Variants in GDF2 observed in about 807,000 individuals in gnomAD.
The protein encoded by GDF2 is growth differentiation factor 2, also known as growth/differentiation factor 2.
In GDF2, 17 loss-of-function variants were observed where a neutral mutation model predicts 16.9. The observed-to-expected ratio is 1.00, with a 90% CI of 0.69 to 1.51. GDF2 has a LOEUF of 1.51. GDF2 is among the 40% of genes most tolerant of loss of function. GDF2 has a pLI of 0.00. For missense variants in GDF2, 523 were observed against 556.3 expected, an observed-to-expected ratio of 0.94 and a Z score of 0.60; for synonymous variants, 276 against 237.6, an observed-to-expected ratio of 1.16 and a Z score of -1.49.
chr10:47,326,198 C>A lies in GDF2; in HGVS notation c.*414C>A, dbSNP rs1020827232. On this transcript the variant is annotated 3_prime_UTR_variant, in exon 2 of 2. Transcript: ENST00000581492. ...TGGGGAGTAGAGGGAAGGAGCAGGC[C>A]GCGTGTCACACCCATCATTGTATGT... is the stretch of plus-strand genomic sequence containing the variant. The A allele has an allele frequency of 2.7e-4, 45 of 167,852 alleles. No homozygotes were observed. The highest frequency in any genetic ancestry group is 1.0e-3 in the African/African-American group (42 of 42,094). 10.4% of individuals were successfully genotyped at this position (167,852 alleles called of 1,614,324 possible).
In GDF2 at chr10:47,327,584, T is replaced by A. The variant is rs2061113149; in HGVS notation, c.*1800T>A. 6.6e-6 allele frequency among the ~76,000 whole-genome samples: 1 copy of A among 152,108 alleles called. No homozygotes were observed. Among genetic ancestry groups the A allele is most frequent in the South Asian group, 2.1e-4 (1 of 4,828 alleles). ...TTTCACTCGGAAATAAAGTCAAATGTCTAATTTGCAGCCCCTCCTGAATGT... is the reference window on the plus strand; with the variant it reads ...TTTCACTCGGAAATAAAGTCAAATGACTAATTTGCAGCCCCTCCTGAATGT... On this transcript the variant is annotated 3_prime_UTR_variant, in exon 2 of 2. Coordinates refer to ENST00000581492, the MANE Select transcript of GDF2 (RefSeq NM_016204.4).
In GDF2 at chr10:47,325,268, C is replaced by T. The variant is rs202125220; in HGVS notation, c.774C>T (p.Ser258=). ...SRNLPFFVVF[S]NDHSSGTKET... ...ACCTGCCCTTCTTTGTTGTCTTCTC[C>T]AATGACCACAGCAGTGGGACCAAGG... Residue 258 remains serine, a synonymous_variant, in exon 2 of 2, where the codon TCC becomes TCT. Transcript: ENST00000581492. 144 of 1,614,044 alleles carry T rather than the reference C, an allele frequency of 8.9e-5. No homozygotes were observed. The highest frequency in any genetic ancestry group is 1.6e-4 in the Middle Eastern group (1 of 6,084).
At position 47,325,349 on chromosome 10, in the gene GDF2, G is replaced by GA. The variant is rs1565755161; in HGVS notation, c.857dup (p.Leu287AlafsTer11). 6.2e-7 allele frequency: 1 copy of GA among 1,614,190 alleles called. No homozygotes were observed. The highest frequency in any genetic ancestry group is 8.5e-7 in the Non-Finnish European group (1 of 1,180,038). On this transcript the variant is annotated frameshift_variant, in exon 2 of 2. Coordinates refer to ENST00000581492, the MANE Select transcript of GDF2 (RefSeq NM_016204.4). LOFTEE classifies it high-confidence loss of function. ...GCCATGAACAAGAGAGCGTGCTCAAGAAGCTGTCCAAGGACGGCTCCACAG... is the reference window on the plus strand; with the variant it reads ...GCCATGAACAAGAGAGCGTGCTCAAGAAAGCTGTCCAAGGACGGCTCCACAG...
At position 47,325,839 on chromosome 10, in the gene GDF2, T is replaced by C; in HGVS notation, c.*55T>C. On this transcript the variant is annotated 3_prime_UTR_variant, in exon 2 of 2. Transcript: ENST00000581492. Reference sequence around the variant, plus strand: ...CAAAGGGGCTCCACATGAGAGGTCCTGCATGCCCCTGGGCACAACAAGGAC... The same window carrying C: ...CAAAGGGGCTCCACATGAGAGGTCCCGCATGCCCCTGGGCACAACAAGGAC... 7.9e-7 allele frequency: 1 copy of C among 1,260,454 alleles called. No individual in the cohort carries two copies. The highest frequency in any genetic ancestry group is 1.1e-6 in the Non-Finnish European group (1 of 921,344). The allele number at this position is 1,260,454 out of a possible 1,614,324, so 78.1% of individuals were successfully genotyped here. A position where few individuals can be genotyped will look rare whatever the true frequency, so the allele number is the denominator to read the frequency against.
rs140271276 is a variant in GDF2, at chr10:47,325,270, A to G, written c.776A>G (p.Asn259Ser). ...CTGCCCTTCTTTGTTGTCTTCTCCA[A>G]TGACCACAGCAGTGGGACCAAGGAG... ...RNLPFFVVFS[N>S]DHSSGTKETR... The change falls in exon 2 of 2, where the codon AAT becomes AGT. Residue 259 changes from asparagine (N) to serine (S), a missense_variant. Asn to Ser is a conservative substitution (Grantham distance 46). Coordinates refer to ENST00000581492, the MANE Select transcript of GDF2 (RefSeq NM_016204.4). 527 of 1,614,182 alleles carry G rather than the reference A, an allele frequency of 3.3e-4. No homozygotes were observed. Among genetic ancestry groups the G allele is most frequent in the Middle Eastern group, 2.8e-3 (17 of 6,062 alleles).
chr10:47,325,841 C>T lies in GDF2; in HGVS notation c.*57C>T. On this transcript the variant is annotated 3_prime_UTR_variant, in exon 2 of 2. Transcript: ENST00000581492. ...AAGGGGCTCCACATGAGAGGTCCTGCATGCCCCTGGGCACAACAAGGACTG... is the reference window on the plus strand; with the variant it reads ...AAGGGGCTCCACATGAGAGGTCCTGTATGCCCCTGGGCACAACAAGGACTG... 8.0e-7 allele frequency: 1 copy of T among 1,249,806 alleles called. No homozygotes were observed. The highest frequency in any genetic ancestry group is 2.7e-4 in the Middle Eastern group (1 of 3,714). The allele number at this position is 1,249,806 out of a possible 1,614,324, so 77.4% of individuals were successfully genotyped here. A position where few individuals can be genotyped will look rare whatever the true frequency, so the allele number is the denominator to read the frequency against.
At position 47,325,395 on chromosome 10, in the gene GDF2, G is replaced by A. The variant is rs41314469; in HGVS notation, c.901G>A (p.Glu301Lys). ...GSTEAGESSH[E>K]EDTDGHVAAG... Reference sequence around the variant, plus strand: ...CACAGAGGCAGGTGAGAGCAGTCACGAGGAGGACACGGATGGCCACGTGGC... The same window carrying A: ...CACAGAGGCAGGTGAGAGCAGTCACAAGGAGGACACGGATGGCCACGTGGC... Residue 301 changes from glutamate to lysine, a missense_variant, in exon 2 of 2, where the codon GAG becomes AAG. Coordinates refer to ENST00000581492, the MANE Select transcript of GDF2 (RefSeq NM_016204.4). 75 of 1,614,100 alleles carry A rather than the reference G, an allele frequency of 4.6e-5. 1 individual carries two copies. The Admixed American group carries it at 8.7e-4, about 19-fold the overall frequency.
Position 47,325,486 on chromosome 10 carries a change from C to A in GDF2, c.992C>A (p.Ser331Tyr), listed in dbSNP as rs1555209059. The stretch of plus-strand genomic sequence containing the variant: ...GCTGGCAGCCACTGTCAAAAGACCT[C>A]CCTGCGGGTAAACTTCGAGGACATC... ...AGAGSHCQKT[S>Y]LRVNFEDIGW... The change falls in exon 2 of 2, where the codon TCC becomes TAC. Residue 331 changes from serine to tyrosine, a missense_variant. Transcript: ENST00000581492. The A allele has an allele frequency of 6.2e-7, 1 of 1,613,920 alleles. No individual in the cohort carries two copies. Among genetic ancestry groups the A allele is most frequent in the Non-Finnish European group, 8.5e-7 (1 of 1,180,048 alleles).
At position 47,322,692 on chromosome 10, in the gene GDF2, G is replaced by T; in HGVS notation, c.24G>T (p.Val8=). ...AGATGTGTCCTGGGGCACTGTGGGT[G>T]GCCCTGCCCCTGCTGTCCCTGCTGG... The part of the protein sequence containing the change: MCPGALW[V]ALPLLSLLAG... The change falls in exon 1 of 2, where the codon GTG becomes GTT. Residue 8 remains valine (V), a synonymous_variant. Transcript: ENST00000581492. 6.4e-7 allele frequency: 1 copy of T among 1,574,188 alleles called. No homozygotes were observed. The highest frequency in any genetic ancestry group is 8.7e-7 in the Non-Finnish European group (1 of 1,155,866).
At position 47,325,461 on chromosome 10, in the gene GDF2, G is replaced by A. The variant is rs1308028823; in HGVS notation, c.967G>A (p.Ala323Thr). The change falls in exon 2 of 2, where the codon GCT (alanine) becomes ACT (threonine). Residue 323 changes from alanine to threonine, a missense_variant. Physicochemically the swap from Ala to Thr is moderately conservative, Grantham distance 58. Transcript: ENST00000581492. ...AGCCAGGCGGAAAAGGAGCGCCGGG[G>A]CTGGCAGCCACTGTCAAAAGACCTC... is the stretch of plus-strand genomic sequence containing the variant. ...TLARRKRSAG[A>T]GSHCQKTSLR... is the part of the protein sequence containing the mutation. 3.1e-6 allele frequency: 5 copies of A among 1,613,694 alleles called. No individual in the cohort carries two copies. Among genetic ancestry groups the A allele is most frequent in the Admixed American group, 1.7e-5 (1 of 60,010 alleles).
intron 1 of GDF2, among the ~76,000 whole-genome samples, chr10:47,323,586 GT>G (rs2061092848): frequency 6.6e-6 from 1 of 152,182 alleles, no homozygotes; most frequent in Non-Finnish European, 1.5e-5. Flanking sequence ...GAACCTAATT[GT>G]TTTTAAATAG....
rs782447770 is a variant in GDF2 at position 47,323,034 on chromosome 10, C to G, written c.346+20C>G. On this transcript the variant is annotated intron_variant, in intron 1 of 1. Transcript: ENST00000581492. Reference sequence around the variant, plus strand: ...TGGAAGGTAGGGTCTCCGCTTGCACCATGCGCGCTGGGGTGGGACTCACAG... The same window carrying G: ...TGGAAGGTAGGGTCTCCGCTTGCACGATGCGCGCTGGGGTGGGACTCACAG... The G allele has an allele frequency of 6.4e-7, 1 of 1,551,880 alleles. No individual in the cohort carries two copies. Among genetic ancestry groups the G allele is most frequent in the Admixed American group, 1.7e-5 (1 of 58,218 alleles).
In GDF2 at chr10:47,322,854, G is replaced by A; in HGVS notation, c.186G>A (p.Val62=). The stretch of plus-strand genomic sequence containing the variant: ...ACCTGAAGATGTTTCTGGAGAACGT[G>A]AAGGTGGATTTCCTGCGCAGCCTTA... ...TFNLKMFLEN[V]KVDFLRSLNL... is the part of the protein sequence containing the mutation. Residue 62 remains valine (V), a synonymous_variant, in exon 1 of 2, where the codon GTG becomes GTA. Coordinates refer to ENST00000581492, the MANE Select transcript of GDF2 (RefSeq NM_016204.4). The A allele has an allele frequency of 6.2e-7, 1 of 1,614,176 alleles. No individual in the cohort carries two copies. The highest frequency in any genetic ancestry group is 8.5e-7 in the Non-Finnish European group (1 of 1,180,022).
Position 47,325,791 on chromosome 10 carries a change from C to T in GDF2, c.*7C>T, listed in dbSNP as rs782816133. The T allele has an allele frequency of 2.2e-5, 33 of 1,522,594 alleles. No individual in the cohort carries two copies. The highest frequency in any genetic ancestry group is 2.7e-5 in the Non-Finnish European group (31 of 1,134,844). The allele number at this position is 1,522,594 out of a possible 1,614,324, so 94.3% of individuals were successfully genotyped here. A position where few individuals can be genotyped will look rare whatever the true frequency, so the allele number is the denominator to read the frequency against. ...AGAGTGTGGGTGCAGGTAGTATCTG[C>T]CTGCGGGGCTGGGGAGGCAGGCCAA... On this transcript the variant is annotated 3_prime_UTR_variant, in exon 2 of 2. Coordinates refer to ENST00000581492, the MANE Select transcript of GDF2 (RefSeq NM_016204.4).
In GDF2 at chr10:47,326,587, G is replaced by A. The variant is rs2061108246; in HGVS notation, c.*803G>A. Among the ~76,000 whole-genome samples, 1 of 152,246 alleles carries A rather than the reference G, an allele frequency of 6.6e-6. No homozygotes were observed. On this transcript the variant is annotated 3_prime_UTR_variant, in exon 2 of 2. Coordinates refer to ENST00000581492, the MANE Select transcript of GDF2 (RefSeq NM_016204.4). ...GAAAAATAACCCCAGGCCAACTGCA[G>A]GATAGAGAGAGAGGTCAGGACAGCA...
chr10:47,326,076 A>C lies in GDF2; in HGVS notation c.*292A>C. The C allele has an allele frequency of 6.2e-6, 2 of 320,010 alleles. No homozygotes were observed. Among genetic ancestry groups the C allele is most frequent in the East Asian group, 5.1e-5 (1 of 19,656 alleles). The allele number at this position is 320,010 out of a possible 1,614,324, so 19.8% of individuals were successfully genotyped here. On this transcript the variant is annotated 3_prime_UTR_variant, in exon 2 of 2. Transcript: ENST00000581492. ...AAAAATAATCCATAGTCAGCAGAAA[A>C]CAACAGCAGTGAGCCAGAGGAGCAC...
rs2132237772 is a variant in GDF2 at position 47,326,724 on chromosome 10, A to G, written c.*940A>G. Reference sequence around the variant, plus strand: ...CATTCACTGTCCATAGACTGAAACCATGTGACCATTTGAGAGGGCCGGGCA... The same window carrying G: ...CATTCACTGTCCATAGACTGAAACCGTGTGACCATTTGAGAGGGCCGGGCA... On this transcript the variant is annotated 3_prime_UTR_variant, in exon 2 of 2. Transcript: ENST00000581492. Among the ~76,000 whole-genome samples the G allele has an allele frequency of 6.6e-6, 1 of 152,292 alleles. No individual in the cohort carries two copies. Among genetic ancestry groups the G allele is most frequent in the South Asian group, 2.1e-4 (1 of 4,828 alleles).
Position 47,325,538 on chromosome 10 carries a change from C to G in GDF2, c.1044C>G (p.Pro348=). The change falls in exon 2 of 2, where the codon CCC becomes CCG. Residue 348 remains proline (P), a synonymous_variant. Transcript: ENST00000581492. ...GCTGGGACAGCTGGATCATTGCACC[C>G]AAGGAGTATGAAGCCTACGAGTGTA... ...DIGWDSWIIA[P]KEYEAYECKG... 1.2e-6 allele frequency: 2 copies of G among 1,613,928 alleles called. No homozygotes were observed. The highest frequency in any genetic ancestry group is 1.7e-6 in the Non-Finnish European group (2 of 1,180,036).
rs1261119224 is a variant in GDF2 at position 47,327,393 on chromosome 10, C to T, written c.*1609C>T. 6.6e-6 allele frequency among the ~76,000 whole-genome samples: 1 copy of T among 152,182 alleles called. No individual in the cohort carries two copies. The highest frequency in any genetic ancestry group is 1.5e-5 in the Non-Finnish European group (1 of 68,038). ...ATGTTTACATGGAACCAATGAACAACTTTAACACACAAATACAACGAAACA... is the reference window on the plus strand; with the variant it reads ...ATGTTTACATGGAACCAATGAACAATTTTAACACACAAATACAACGAAACA... On this transcript the variant is annotated 3_prime_UTR_variant, in exon 2 of 2. Coordinates refer to ENST00000581492, the MANE Select transcript of GDF2 (RefSeq NM_016204.4).
Sources: allele counts gnomAD v4.1 joint callset (sites outside exome capture counted in the v4.1 genomes callset), GRCh38; gene constraint gnomAD v4.1.1; transcripts MANE v1.5; gene names NCBI Gene and HGNC (gene_info 2026-07-23, HGNC 2026-07-21).